Variants in RASGRF2 observed in about 807,000 individuals in gnomAD.
RASGRF2 encodes the protein ras-specific guanine nucleotide-releasing factor 2.
In RASGRF2, 76 loss-of-function variants were observed where a neutral mutation model predicts 151.0. That is an observed-to-expected ratio of 0.50 (90% CI 0.42 to 0.61). The LOEUF is 0.61. RASGRF2 is among the 20% of genes least tolerant of loss of function. The pLI is 0.00. For missense variants in RASGRF2, 1,148 were observed against 1,564.6 expected, an observed-to-expected ratio of 0.73 and a Z score of 4.49; for synonymous variants, 504 against 566.5, an observed-to-expected ratio of 0.89 and a Z score of 1.57.
At chr5:81,224,632 T>C (rs1441488862) in intron 26 of RASGRF2, among the ~76,000 whole-genome samples, 2 of 152,212 alleles carry the variant, frequency 1.3e-5, no homozygotes, top group South Asian at 4.1e-4. Context: ...TGGGAAGAGC[T>C]CAAGTGTCCA....
chr5:81,078,110 C>T (rs933005680), intron 5 of RASGRF2, among the ~76,000 whole-genome samples: 3 of 151,950 alleles, frequency 2.0e-5, no homozygotes, highest in African/African-American at 7.3e-5. Flanking sequence ...AATACATATA[C>T]ATAATATGGA....
chr5:81,094,754 T>C, intron 11 of RASGRF2, 102 bp from the exon 12 acceptor site: 2 of 1,300,968 alleles, frequency 1.5e-6, no homozygotes, highest in Non-Finnish European at 1.1e-6. Flanking sequence ...AGAGTCCCGA[T>C]TTGAGTGCAA....
intron 17 of RASGRF2, among the ~76,000 whole-genome samples, chr5:81,160,116 C>T (rs374421956): frequency 1.4e-4 from 22 of 152,092 alleles, no homozygotes; most frequent in Admixed American, 7.2e-4. Context: ...AGCAGGACTT[C>T]GTCTCTACAA....
chr5:81,011,918 G>A (rs1749475882), intron 1 of RASGRF2, among the ~76,000 whole-genome samples: 1 of 152,004 alleles, frequency 6.6e-6, no homozygotes, highest in African/African-American at 2.4e-5. Context: ...TTAGAGTAAA[G>A]GGTCAGTTCA....
At chr5:81,090,311 G>T (rs1752353264) in intron 9 of RASGRF2, among the ~76,000 whole-genome samples, 1 of 152,208 alleles carries the variant, frequency 6.6e-6, no homozygotes, top group African/African-American at 2.4e-5. Flanking sequence ...TGAATTAACA[G>T]AAATTTTGTT....
chr5:81,140,360 T>G (rs1299951839), intron 17 of RASGRF2, among the ~76,000 whole-genome samples: 1 of 152,066 alleles, frequency 6.6e-6, no homozygotes, highest in East Asian at 1.9e-4. Flanking sequence ...TATTTAAACA[T>G]TATTTCACTA....
intron 2 of RASGRF2, among the ~76,000 whole-genome samples, chr5:81,059,346 T>C (rs545755317): frequency 7.0e-6 from 1 of 142,360 alleles, no homozygotes; most frequent in East Asian, 2.1e-4. Context: ...ATCGCACCAC[T>C]GCACTCCAGC....
At chr5:81,185,936 T>C (rs1755016179) in intron 18 of RASGRF2, among the ~76,000 whole-genome samples, 1 of 152,198 alleles carries the variant, frequency 6.6e-6, no homozygotes, top group Non-Finnish European at 1.5e-5. Context: ...TGGGGAAGGA[T>C]AGGCTATCAA....
chr5:81,110,384 T>C (rs908440177), intron 13 of RASGRF2, among the ~76,000 whole-genome samples: 15 of 152,228 alleles, frequency 9.9e-5, no homozygotes, highest in African/African-American at 3.6e-4. Flanking sequence ...TTCTACTCAG[T>C]GTAATAAAAG....
chr5:81,097,694 T>C (rs757947989), intron 12 of RASGRF2, among the ~76,000 whole-genome samples: 5 of 151,970 alleles, frequency 3.3e-5, no homozygotes, highest in Non-Finnish European at 5.9e-5. Flanking sequence ...GGAACAGCAA[T>C]TGCAAAGACT....
At chr5:81,185,299 G>A (rs1012167840) in intron 18 of RASGRF2, among the ~76,000 whole-genome samples, 3 of 152,206 alleles carry the variant, frequency 2.0e-5, no homozygotes, top group African/African-American at 7.2e-5. Context: ...GGTGAAAGGT[G>A]CTGGCTGGGC....
At chr5:81,208,255 C>A in intron 21 of RASGRF2, 99 bp from the exon 22 acceptor site, 3 of 1,029,840 alleles carry the variant, frequency 2.9e-6, no homozygotes, top group Non-Finnish European at 4.3e-6. Context: ...TAGGCCATGT[C>A]AAATGGAATT....
chr5:81,026,026 C>CCTTT (rs1256301420), intron 1 of RASGRF2, among the ~76,000 whole-genome samples: 2 of 47,124 alleles, frequency 4.2e-5, no homozygotes, highest in African/African-American at 1.3e-4. Flanking sequence ...CTCCTTCCTT[C>CCTTT]CATCCTTCCC....
chr5:81,087,037 A>G, intron 9 of RASGRF2, 84 bp downstream of exon 9: 3 of 1,279,342 alleles, frequency 2.3e-6, no homozygotes, highest in Non-Finnish European at 3.4e-6. Context: ...GGCGTTCTGA[A>G]CAGGCGTGAC....
At chr5:81,192,007 C>G in intron 18 of RASGRF2, among the ~76,000 whole-genome samples, 1 of 152,198 alleles carries the variant, frequency 6.6e-6, no homozygotes, top group East Asian at 1.9e-4. Flanking sequence ...CCGTAGCCTC[C>G]CACTTCACAT....
chr5:81,100,471 G>A (rs932320327), intron 12 of RASGRF2, among the ~76,000 whole-genome samples: 1 of 152,136 alleles, frequency 6.6e-6, no homozygotes, highest in African/African-American at 2.4e-5. Context: ...CACCAGTAAG[G>A]CCATAATTAA....
chr5:81,094,889 A>G lies in RASGRF2; in HGVS notation c.1652A>G (p.Asp551Gly). Residue 551 changes from aspartate to glycine, a missense_variant, in exon 12 of 27, where the codon GAT becomes GGT. Coordinates refer to ENST00000265080, the MANE Select transcript of RASGRF2 (RefSeq NM_006909.3). ...KGSGQVFGHL[D>G]FKIVVEPPDA... ...TCTGGGCAAGTGTTTGGGCACCTGG[A>G]TTTTAAAATAGTGGTGGAGCCTCCT... 1 of 1,603,854 alleles carries G rather than the reference A, an allele frequency of 6.2e-7. No individual in the cohort carries two copies. Among genetic ancestry groups the G allele is most frequent in the East Asian group, 2.2e-5 (1 of 44,562 alleles).
At chr5:81,038,721 G>A (rs1750589220) in intron 1 of RASGRF2, among the ~76,000 whole-genome samples, 1 of 151,562 alleles carries the variant, frequency 6.6e-6, no homozygotes. Flanking sequence ...GACCACAGGT[G>A]CATGCCACCA....
At chr5:81,148,679 T>TG (rs1288780326) in intron 17 of RASGRF2, among the ~76,000 whole-genome samples, 6 of 79,082 alleles carry the variant, frequency 7.6e-5, no homozygotes, top group East Asian at 4.3e-4. Context: ...TGTTGTGGGG[T>TG]GGGGGGAGGG....
Sources: allele counts gnomAD v4.1 joint callset (sites outside exome capture counted in the v4.1 genomes callset), GRCh38; gene constraint gnomAD v4.1.1; transcripts MANE v1.5; gene names NCBI Gene and HGNC (gene_info 2026-07-23, HGNC 2026-07-21).